AKT3: variants seen among roughly 807,000 people sequenced by gnomAD.
AKT3 encodes the protein RAC-gamma serine/threonine-protein kinase.
A neutral mutation model predicts 65.3 loss-of-function variants in AKT3; 15 were observed. The ratio of observed to expected loss-of-function variants is 0.23; its 90% CI spans 0.15 to 0.35. AKT3 has a LOEUF of 0.35. AKT3 is among the 10% of genes least tolerant of loss of function. The pLI is 1.00. For synonymous variants in AKT3, 206 were observed against 183.8 expected, an observed-to-expected ratio of 1.12 and a Z score of -0.98; for missense variants, 243 against 576.5, an observed-to-expected ratio of 0.42 and a Z score of 5.92.
chr1:243,850,017 G>C (rs960572547), intron 1 of AKT3, 23 bp downstream of exon 1: 2 of 986,000 alleles, frequency 2.0e-6, no homozygotes, highest in Non-Finnish European at 2.4e-6. Flanking sequence ...GAGGGGGCTA[G>C]AGTTGGGGGC....
At position 243,501,596 on chromosome 1, in the gene AKT3, C is replaced by T. The variant is rs541396136; in HGVS notation, c.*3653G>A. 12 of 232,770 alleles carry T rather than the reference C, an allele frequency of 5.2e-5. No homozygotes were observed. Among genetic ancestry groups the T allele is most frequent in the African/African-American group, 2.7e-4 (12 of 45,274 alleles). The allele number at this position is 232,770 out of a possible 1,614,324, so 14.4% of individuals were successfully genotyped here. ...ATTTCACTGAAGTAAAAATGATCCC[C>T]TATGTGTGTGTGTGTGAGCTACAAG... On this transcript the variant is annotated 3_prime_UTR_variant, in exon 14 of 14. Transcript: ENST00000673466.
chr1:243,731,706 G>C (rs890695094), intron 2 of AKT3, among the ~76,000 whole-genome samples: 1 of 152,208 alleles, frequency 6.6e-6, no homozygotes, highest in Admixed American at 6.5e-5. Context: ...TCTTTTTAGA[G>C]TCAAAAGTCA....
intron 12 of AKT3, among the ~76,000 whole-genome samples, chr1:243,521,155 T>G (rs907303578): frequency 1.3e-5 from 2 of 152,238 alleles, no homozygotes; most frequent in Admixed American, 1.3e-4. Context: ...CTGGGACAGC[T>G]GATGTGGACA....
At chr1:243,804,049 C>G (rs1387046649) in intron 2 of AKT3, among the ~76,000 whole-genome samples, 2 of 152,168 alleles carry the variant, frequency 1.3e-5, no homozygotes, top group African/African-American at 4.8e-5. Flanking sequence ...GAAGAAGACC[C>G]TTGACATCAT....
At chr1:243,669,246 C>A (rs1040820267) in intron 3 of AKT3, among the ~76,000 whole-genome samples, 1 of 152,072 alleles carries the variant, frequency 6.6e-6, no homozygotes, top group Non-Finnish European at 1.5e-5. Context: ...CTTATAGCAC[C>A]TAGGACAGTG....
intron 2 of AKT3, among the ~76,000 whole-genome samples, chr1:243,800,454 T>G (rs1426015186): frequency 1.3e-5 from 2 of 152,226 alleles, no homozygotes; most frequent in Admixed American, 1.3e-4. Flanking sequence ...GTGCAGTGGC[T>G]CACGCCTGTA....
At chr1:243,790,460 A>T (rs1285031801) in intron 2 of AKT3, among the ~76,000 whole-genome samples, 1 of 152,088 alleles carries the variant, frequency 6.6e-6, no homozygotes, top group Non-Finnish European at 1.5e-5. Context: ...AATTAAAGAG[A>T]GTTAGGGCCT....
rs1049030400 is a variant in AKT3, at chr1:243,693,293, T to A, written c.172+2298A>T. Among the ~76,000 whole-genome samples the A allele has an allele frequency of 8.2e-4, 94 of 114,822 alleles. 1 individual carries two copies. The highest frequency in any genetic ancestry group is 7.5e-3 in the East Asian group (27 of 3,588). 75.3% of individuals were successfully genotyped at this position (114,822 alleles called of 152,430 possible). A position where few individuals can be genotyped will look rare whatever the true frequency, so the allele number is the denominator to read the frequency against. ...ATATATATATATATATATATATATA[T>A]AACATTTCCCAACATACCTTAGAAA... On this transcript the variant is annotated intron_variant, in intron 3 of 13. Transcript: ENST00000673466.
At chr1:243,782,151 A>C (rs1476190667) in intron 2 of AKT3, among the ~76,000 whole-genome samples, 2 of 152,132 alleles carry the variant, frequency 1.3e-5, no homozygotes, top group Non-Finnish European at 2.9e-5. Context: ...CCCTTTGGAG[A>C]CAAGAGAACC....
intron 3 of AKT3, among the ~76,000 whole-genome samples, chr1:243,666,073 G>A (rs1047593615): frequency 1.3e-5 from 2 of 151,962 alleles, no homozygotes; most frequent in East Asian, 1.9e-4. Context: ...GCGCGATCTC[G>A]GCTCACCGTA....
At chr1:243,819,221 C>T (rs1167512709) in intron 2 of AKT3, among the ~76,000 whole-genome samples, 1 of 152,262 alleles carries the variant, frequency 6.6e-6, no homozygotes, top group African/African-American at 2.4e-5. Flanking sequence ...GCAGCCATCA[C>T]TGCAGCTGCC....
In AKT3 at chr1:243,772,578, C is replaced by T. The variant is rs543454217; in HGVS notation, c.46+70547G>A. ...ATGTGGAGAAACAGGAACACTTTTACACTGTTGGTGGCACTGTAAACTGGT... is the reference window on the plus strand; with the variant it reads ...ATGTGGAGAAACAGGAACACTTTTATACTGTTGGTGGCACTGTAAACTGGT... On this transcript the variant is annotated intron_variant, in intron 2 of 13. Transcript: ENST00000673466. Among the ~76,000 whole-genome samples the T allele has an allele frequency of 3.9e-5, 6 of 152,318 alleles. No individual in the cohort carries two copies. In the East Asian group the frequency reaches 1.2e-3, roughly 29 times the overall value.
At chr1:243,707,638 T>C (rs576972479) in intron 2 of AKT3, among the ~76,000 whole-genome samples, 27 of 152,284 alleles carry the variant, frequency 1.8e-4, no homozygotes, top group Admixed American at 1.6e-3. Flanking sequence ...AGAAGGTACA[T>C]GTGCAGGTTT....
chr1:243,845,942 G>C (rs1265623148), intron 1 of AKT3, among the ~76,000 whole-genome samples: 1 of 152,142 alleles, frequency 6.6e-6, no homozygotes, highest in African/African-American at 2.4e-5. Flanking sequence ...CTGTGCCTCA[G>C]TTTCCGGAGC....
chr1:243,546,917 C>CA (rs776762776), intron 11 of AKT3: 3 of 152,144 alleles, frequency 2.0e-5, no homozygotes, highest in Non-Finnish European at 4.4e-5. Flanking sequence ...ATGTTAAAGT[C>CA]AAAGCTGAAA....
intron 8 of AKT3, among the ~76,000 whole-genome samples, chr1:243,585,074 A>T (rs1675692150): frequency 6.6e-6 from 1 of 152,194 alleles, no homozygotes; most frequent in Admixed American, 6.5e-5. Flanking sequence ...AAATCAATGT[A>T]CAAAAATCAG....
In AKT3 at chr1:243,608,640, G is replaced by C. The variant is rs146117876; in HGVS notation, c.696+5031C>G. Among the ~76,000 whole-genome samples the C allele has an allele frequency of 3.1e-3, 465 of 151,334 alleles. 5 individuals are homozygous for C. Among genetic ancestry groups the C allele is most frequent in the African/African-American group, 0.011 (441 of 41,164 alleles). ...CTTGGTATATGTGTGGATTGTGCTAGTGTGAATTGTTTACGTGTGTTTATT... is the reference window on the plus strand; with the variant it reads ...CTTGGTATATGTGTGGATTGTGCTACTGTGAATTGTTTACGTGTGTTTATT... On this transcript the variant is annotated intron_variant, in intron 8 of 13. Transcript: ENST00000673466.
chr1:243,488,912 C>A, intron 13 of AKT3: 1 of 1,570,218 alleles, frequency 6.4e-7, no homozygotes, highest in South Asian at 1.1e-5. Context: ...GCGTCCTGCT[C>A]ATGGTTCCCT....
At chr1:243,823,171 A>C (rs1397926728) in intron 2 of AKT3, among the ~76,000 whole-genome samples, 1 of 150,568 alleles carries the variant, frequency 6.6e-6, no homozygotes. Flanking sequence ...AGAACTAAAA[A>C]CAAAACCACA....
Sources: allele counts gnomAD v4.1 joint callset (sites outside exome capture counted in the v4.1 genomes callset), GRCh38; gene constraint gnomAD v4.1.1; transcripts MANE v1.5; gene names NCBI Gene and HGNC (gene_info 2026-07-23, HGNC 2026-07-21).